PLXNA1: variants seen among roughly 807,000 people sequenced by gnomAD.
PLXNA1 encodes the protein plexin A1, also known as plexin-A1.
In PLXNA1, 77 loss-of-function variants were observed where a neutral mutation model predicts 191.7. The observed-to-expected ratio is 0.40, with a 90% CI of 0.33 to 0.49. The LOEUF (loss-of-function observed/expected upper bound fraction) is 0.49, where lower values mean the gene tolerates loss of function less well. Ranked by LOEUF, PLXNA1 falls within the 20% of genes least tolerant of loss-of-function variation. PLXNA1 has a pLI of 0.63. For synonymous variants in PLXNA1, 1,137 were observed against 1,156.4 expected (o/e 0.98, Z 0.34); for missense variants, 2,110 against 2,660.2 (o/e 0.79, Z 4.55).
At chr3:126,997,640 C>G (rs993168950) in intron 3 of PLXNA1, among the ~76,000 whole-genome samples, 9 of 152,244 alleles carry the variant, frequency 5.9e-5, no homozygotes, top group African/African-American at 1.9e-4. Flanking sequence ...CTTTCCGCCT[C>G]TCCTGGATGT....
At chr3:127,016,830 CT>C (rs1277426122) in intron 16 of PLXNA1, 113 bp from the exon 17 acceptor site, 21 of 1,379,846 alleles carry the variant, frequency 1.5e-5, no homozygotes, top group Non-Finnish European at 2.1e-5. Context: ...GAGCTTTTAC[CT>C]GTTTCCTGTC....
intron 9 of PLXNA1, among the ~76,000 whole-genome samples, chr3:127,009,661 G>A (rs1049405386): frequency 8.0e-5 from 12 of 149,762 alleles, no homozygotes; most frequent in Admixed American, 2.7e-4. Flanking sequence ...TGAGACAGCC[G>A]GGCCTAACCC....
chr3:127,008,157 G>T (rs931239928), intron 9 of PLXNA1, among the ~76,000 whole-genome samples: 1 of 152,182 alleles, frequency 6.6e-6, no homozygotes, highest in African/African-American at 2.4e-5. Flanking sequence ...GTGACCCCTG[G>T]GTGTCCTTCG....
chr3:126,985,450 C>T (rs1353176018), intron 1 of PLXNA1, among the ~76,000 whole-genome samples: 1 of 152,158 alleles, frequency 6.6e-6, no homozygotes. Context: ...CTGCCCTCTG[C>T]ACAGCCAGTG....
intron 3 of PLXNA1, among the ~76,000 whole-genome samples, chr3:126,993,089 C>T (rs1180427090): frequency 6.6e-6 from 1 of 152,188 alleles, no homozygotes. Flanking sequence ...CCTCTTGTGC[C>T]CCAGGGGCAC....
Position 127,033,969 on chromosome 3 carries a change from G to C in PLXNA1, c.5643G>C (p.Leu1881=). The C allele has an allele frequency of 2.5e-6, 4 of 1,606,230 alleles. No individual in the cohort carries two copies. Among genetic ancestry groups the C allele is most frequent in the Non-Finnish European group, 1.7e-6 (2 of 1,177,720 alleles). The part of the protein sequence containing the change: ...EKDEQARRQR[L]RSKLEQVVDT... ...ATGAGCAGGCGCGGCGGCAGCGGCTGCGGAGCAAGCTGGAGCAGGTGGTGG... is the reference window on the plus strand; with the variant it reads ...ATGAGCAGGCGCGGCGGCAGCGGCTCCGGAGCAAGCTGGAGCAGGTGGTGG... Residue 1881 remains leucine, a synonymous_variant, in exon 32 of 32, where the codon CTG becomes CTC. Coordinates refer to ENST00000393409, the MANE Select transcript of PLXNA1 (RefSeq NM_032242.4).
chr3:127,022,155 C>T lies in PLXNA1; in HGVS notation c.4109C>T (p.Thr1370Ile). 1 of 1,613,374 alleles carries T rather than the reference C, an allele frequency of 6.2e-7. No homozygotes were observed. Among genetic ancestry groups the T allele is most frequent in the Non-Finnish European group, 8.5e-7 (1 of 1,179,988 alleles). The change falls in exon 22 of 32, where the codon ACC becomes ATC. Residue 1370 changes from threonine (T) to isoleucine (I), a missense_variant. Physicochemically the swap from Thr to Ile is moderately conservative, Grantham distance 89. This residue lies in a region of PLXNA1 where 559 missense variants were observed against 911.5 expected (regional missense o/e 0.61). Transcript: ENST00000393409. ...CTGACCAAGAAGCACTTCCTGCTGA[C>T]CTTCATCCGCACGCTGGAGGCACAG... ...QLLTKKHFLLTFIRTLEAQRS... is the reference protein window; with the variant it reads ...QLLTKKHFLLIFIRTLEAQRS...
Position 127,015,061 on chromosome 3 carries a change from C to A in PLXNA1, c.2878-123C>A, listed in dbSNP as rs966150134. The A allele has an allele frequency of 2.0e-5, 29 of 1,419,642 alleles. No homozygotes were observed. In the African/African-American group the frequency reaches 3.3e-4, roughly 16 times the overall value. 87.9% of individuals were successfully genotyped at this position (1,419,642 alleles called of 1,614,324 possible). On this transcript the variant is annotated intron_variant, in intron 14 of 31. Transcript: ENST00000393409. ...AGTACTGGCTCTGAAGTGCAGCTCC[C>A]GGGCATGCGGGCTCCTAGTCTGGGG...
At chr3:126,999,511 G>C (rs529819322) in intron 3 of PLXNA1, among the ~76,000 whole-genome samples, 165 of 152,332 alleles carry the variant, frequency 1.1e-3, no homozygotes, top group Non-Finnish European at 2.0e-3. Flanking sequence ...CCTGCCTCCC[G>C]GCGGCTGGGG....
rs759125181 is a variant in PLXNA1, at chr3:127,017,049, C to A, written c.3276+12C>A. ...TTGAGAGGGAGAACGTGAGTCCCTG[C>A]CCTCAGCTGCCCACCTCGGTCCAGG... On this transcript the variant is annotated intron_variant, in intron 17 of 31. Coordinates refer to ENST00000393409, the MANE Select transcript of PLXNA1 (RefSeq NM_032242.4). The A allele has an allele frequency of 6.8e-6, 11 of 1,606,064 alleles. No individual in the cohort carries two copies. The highest frequency in any genetic ancestry group is 9.4e-6 in the Non-Finnish European group (11 of 1,173,986).
chr3:126,994,179 C>T (rs1337029624), intron 3 of PLXNA1, among the ~76,000 whole-genome samples: 1 of 152,132 alleles, frequency 6.6e-6, no homozygotes, highest in East Asian at 1.9e-4. Context: ...CTCTTCCCTC[C>T]CTTTCTGCGG....
chr3:127,006,605 C>G (rs999663772), intron 8 of PLXNA1, among the ~76,000 whole-genome samples: 2 of 152,128 alleles, frequency 1.3e-5, no homozygotes, highest in Non-Finnish European at 2.9e-5. Flanking sequence ...GGAGGAGCTG[C>G]GGGCTGGTTT....
intron 23 of PLXNA1, among the ~76,000 whole-genome samples, chr3:127,023,198 G>T (rs953657104): frequency 6.6e-6 from 1 of 152,178 alleles, no homozygotes; most frequent in African/African-American, 2.4e-5. Flanking sequence ...ACAGGTGACC[G>T]CACTGGGCTT....
intron 2 of PLXNA1, among the ~76,000 whole-genome samples, chr3:126,990,087 G>T (rs1224841145): frequency 1.3e-5 from 2 of 152,356 alleles, no homozygotes; most frequent in South Asian, 2.1e-4. Context: ...TGGACAGAGT[G>T]CCAGCCACAT....
chr3:126,983,671 C>A (rs1444624820), intron 1 of PLXNA1, among the ~76,000 whole-genome samples: 1 of 150,746 alleles, frequency 6.6e-6, no homozygotes, highest in African/African-American at 2.4e-5. Flanking sequence ...GGGGGGCGGG[C>A]GCTGCCCCTC....
At chr3:126,985,573 G>A (rs908888126) in intron 1 of PLXNA1, among the ~76,000 whole-genome samples, 3 of 132,374 alleles carry the variant, frequency 2.3e-5, no homozygotes, top group Non-Finnish European at 3.1e-5. Flanking sequence ...GCCTTTCCCC[G>A]GCCACAGTGG....
chr3:126,984,439 C>T (rs2078947373), intron 1 of PLXNA1, among the ~76,000 whole-genome samples: 1 of 152,250 alleles, frequency 6.6e-6, no homozygotes, highest in African/African-American at 2.4e-5. Context: ...TTTCTGCTCC[C>T]CGGGCCCTTG....
chr3:127,015,081 C>T, intron 14 of PLXNA1, 103 bp from the exon 15 acceptor site: 1 of 1,489,262 alleles, frequency 6.7e-7, no homozygotes, highest in Non-Finnish European at 9.0e-7. Flanking sequence ...GGCTCCTAGT[C>T]TGGGGAACTG....
chr3:127,017,574 C>T lies in PLXNA1; in HGVS notation c.3426C>T (p.Thr1142=), dbSNP rs774595798. ...NVRSLLVLNS[T]SFLYYPDPVL... is the part of the protein sequence containing the mutation. ...GCTCCCTGCTTGTGCTCAACTCCAC[C>T]TCCTTCCTCTACTACCCTGACCCCG... is the stretch of plus-strand genomic sequence containing the variant. The change falls in exon 18 of 32, where the codon ACC becomes ACT. Residue 1142 remains threonine (T), a synonymous_variant. Transcript: ENST00000393409. 4 of 1,613,828 alleles carry T rather than the reference C, an allele frequency of 2.5e-6. No homozygotes were observed. The highest frequency in any genetic ancestry group is 3.4e-6 in the Non-Finnish European group (4 of 1,180,034).
Sources: allele counts gnomAD v4.1 joint callset (sites outside exome capture counted in the v4.1 genomes callset), GRCh38; gene constraint gnomAD v4.1.1; regional missense constraint gnomAD v4.1.1; transcripts MANE v1.5; gene names NCBI Gene and HGNC (gene_info 2026-07-23, HGNC 2026-07-21).